Variants in ARHGAP15 observed in about 807,000 individuals in gnomAD.
The protein encoded by ARHGAP15 is rho GTPase-activating protein 15.
ARHGAP15 carries 51 observed loss-of-function variants against 63.7 expected under a neutral mutation model. That is an observed-to-expected ratio of 0.80 (90% CI 0.64 to 1.01). The LOEUF is 1.01. Among genes scored for constraint, ARHGAP15 ranks in the 50% least tolerant of loss-of-function variants. The pLI is 0.00. For synonymous variants in ARHGAP15, 191 were observed against 193.8 expected (o/e 0.99, Z 0.12); for missense variants, 560 against 564.6 (o/e 0.99, Z 0.08).
At chr2:143,540,504 G>C (rs535049349) in intron 10 of ARHGAP15, among the ~76,000 whole-genome samples, 9 of 152,196 alleles carry the variant, frequency 5.9e-5, no homozygotes, top group African/African-American at 2.2e-4. Context: ...GTTTTTTGCA[G>C]TGGGTGGTAC....
At chr2:143,520,762 A>T (rs1222988163) in intron 10 of ARHGAP15, among the ~76,000 whole-genome samples, 5 of 152,188 alleles carry the variant, frequency 3.3e-5, no homozygotes, top group Non-Finnish European at 5.9e-5. Context: ...ATTTTCAGGA[A>T]ATCTTCATCC....
At chr2:143,208,703 T>A (rs78807768) in intron 3 of ARHGAP15, among the ~76,000 whole-genome samples, 8,086 of 152,248 alleles carry the variant, frequency 0.053, 279 homozygotes, top group Non-Finnish European at 0.084. Flanking sequence ...TGTTTCCTGA[T>A]CTTGTATATT....
intron 6 of ARHGAP15, among the ~76,000 whole-genome samples, chr2:143,293,477 C>A (rs1038224685): frequency 1.3e-5 from 2 of 152,068 alleles, no homozygotes; most frequent in African/African-American, 4.8e-5. Context: ...CATTTATATT[C>A]TTGTCTTGAG....
At chr2:143,687,859 CA>C (rs1390302225) in intron 12 of ARHGAP15, among the ~76,000 whole-genome samples, 1 of 152,128 alleles carries the variant, frequency 6.6e-6, no homozygotes, top group African/African-American at 2.4e-5. Flanking sequence ...CATAACTTAT[CA>C]GTTAATATTT....
At chr2:143,694,671 C>A (rs1463565667) in intron 12 of ARHGAP15, among the ~76,000 whole-genome samples, 1 of 152,182 alleles carries the variant, frequency 6.6e-6, no homozygotes, top group Admixed American at 6.5e-5. Flanking sequence ...ATTTTATAAC[C>A]TATTTTTAAA....
At chr2:143,234,975 G>A (rs2104928855) in intron 5 of ARHGAP15, among the ~76,000 whole-genome samples, 1 of 152,170 alleles carries the variant, frequency 6.6e-6, no homozygotes, top group Admixed American at 6.5e-5. Flanking sequence ...ATTGTTTTCA[G>A]TGGGAGAATT....
chr2:143,387,887 A>C (rs1050389957), intron 6 of ARHGAP15, among the ~76,000 whole-genome samples: 1 of 149,734 alleles, frequency 6.7e-6, no homozygotes, highest in Non-Finnish European at 1.5e-5. Context: ...GCATGCGTGC[A>C]CATACACATA....
chr2:143,735,814 A>G (rs1325566634), intron 13 of ARHGAP15, among the ~76,000 whole-genome samples: 1 of 152,208 alleles, frequency 6.6e-6, no homozygotes, highest in Non-Finnish European at 1.5e-5. Context: ...TTTTTGTCCA[A>G]CAAAACTATC....
At chr2:143,209,557 T>TAAAAA (rs3070816) in intron 3 of ARHGAP15, among the ~76,000 whole-genome samples, 21,428 of 148,172 alleles carry the variant, frequency 0.14, 1,621 homozygotes, top group Middle Eastern at 0.2. Context: ...TGTGCTATGA[T>TAAAAA]AAAAAAAAAA....
At chr2:143,205,724 C>T (rs546451794) in intron 3 of ARHGAP15, among the ~76,000 whole-genome samples, 11 of 152,088 alleles carry the variant, frequency 7.2e-5, no homozygotes, top group African/African-American at 2.7e-4. Flanking sequence ...CCATTGAGCC[C>T]ATCTCTATTA....
At chr2:143,477,593 C>CA (rs1038562923) in intron 8 of ARHGAP15, among the ~76,000 whole-genome samples, 1 of 151,118 alleles carries the variant, frequency 6.6e-6, no homozygotes, top group African/African-American at 2.4e-5. Flanking sequence ...AATACAGGCA[C>CA]AAAAAACTGG....
At chr2:143,745,175 CT>C (rs1026404134) in intron 13 of ARHGAP15, among the ~76,000 whole-genome samples, 3 of 152,190 alleles carry the variant, frequency 2.0e-5, no homozygotes, top group African/African-American at 7.2e-5. Flanking sequence ...CCAGGAATAC[CT>C]TTTGTTGCTT....
chr2:143,427,439 C>G (rs554100137), intron 6 of ARHGAP15, among the ~76,000 whole-genome samples: 1 of 152,108 alleles, frequency 6.6e-6, no homozygotes, highest in Non-Finnish European at 1.5e-5. Context: ...CTGAGTTTCT[C>G]TAAAGACTTG....
chr2:143,382,350 C>G (rs764104920), intron 6 of ARHGAP15, among the ~76,000 whole-genome samples: 1 of 152,122 alleles, frequency 6.6e-6, no homozygotes, highest in Non-Finnish European at 1.5e-5. Context: ...TGCCTTGCCT[C>G]TCTGGTTTCT....
At chr2:143,315,930 C>CA (rs1361583154) in intron 6 of ARHGAP15, among the ~76,000 whole-genome samples, 3 of 151,674 alleles carry the variant, frequency 2.0e-5, no homozygotes, top group African/African-American at 4.8e-5. Flanking sequence ...ACTAAAAATA[C>CA]AAAAAATTAG....
chr2:143,226,624 A>G (rs1225971270), intron 4 of ARHGAP15, among the ~76,000 whole-genome samples: 1 of 152,210 alleles, frequency 6.6e-6, no homozygotes. Context: ...CAAAATGGGC[A>G]CTAGGGCAGA....
intron 6 of ARHGAP15, among the ~76,000 whole-genome samples, chr2:143,406,198 C>T (rs982236116): frequency 6.6e-6 from 1 of 151,736 alleles, no homozygotes. Context: ...GTATTTTGAT[C>T]GTAGAATTTT....
At chr2:143,415,363 TA>T (rs762997790) in intron 6 of ARHGAP15, among the ~76,000 whole-genome samples, 2 of 150,824 alleles carry the variant, frequency 1.3e-5, no homozygotes, top group African/African-American at 2.4e-5. Flanking sequence ...ACAAAGAACA[TA>T]AAAAAAGGAT....
intron 10 of ARHGAP15, among the ~76,000 whole-genome samples, chr2:143,521,643 G>A (rs1158539450): frequency 6.6e-6 from 1 of 152,240 alleles, no homozygotes; most frequent in Non-Finnish European, 1.5e-5. Context: ...CAACTGCAGA[G>A]TCATGGGAAA....
Sources: gnomAD v4.1 joint callset for allele counts (sites outside exome capture counted in the v4.1 genomes callset) on GRCh38, gnomAD v4.1.1 for gene constraint, MANE v1.5 for transcripts, NCBI Gene and HGNC (gene_info 2026-07-23, HGNC 2026-07-21) for gene names.